The following TDRP variants were observed in gnomAD, a reference collection of about 807,000 sequenced individuals.
TDRP encodes testis development-related protein.
A neutral mutation model predicts 10.5 loss-of-function variants in TDRP; 12 were observed. The ratio of observed to expected loss-of-function variants is 1.15; its 90% CI spans 0.73 to 1.86. TDRP has a LOEUF of 1.86. TDRP is among the 40% of genes most tolerant of loss of function. The probability of loss-of-function intolerance (pLI) is 0.00; values close to 1 mark genes in which losing one functional copy is unlikely to be tolerated. For synonymous variants in TDRP, 139 were observed against 95.4 expected (o/e 1.46, Z -2.67); for missense variants, 353 against 229.2 (o/e 1.54, Z -3.49).
intron 1 of TDRP, among the ~76,000 whole-genome samples, chr8:528,887 T>A (rs1363968528): frequency 2.0e-5 from 3 of 152,024 alleles, no homozygotes; most frequent in Admixed American, 1.3e-4. Context: ...TAAGTAGTAT[T>A]AACTCACACA....
chr8:522,787 T>G (rs906138184), intron 1 of TDRP, among the ~76,000 whole-genome samples: 7 of 152,236 alleles, frequency 4.6e-5, no homozygotes, highest in Non-Finnish European at 8.8e-5. Flanking sequence ...AGTCCTTCTT[T>G]GTGTTTTGTG....
At chr8:515,728 G>A (rs548985923) in intron 1 of TDRP, among the ~76,000 whole-genome samples, 1 of 152,010 alleles carries the variant, frequency 6.6e-6, no homozygotes, top group African/African-American at 2.4e-5. Context: ...GCATAAGAGA[G>A]AAATAAAAGT....
intron 1 of TDRP, among the ~76,000 whole-genome samples, chr8:543,513 C>G (rs943965486): frequency 6.6e-6 from 1 of 150,906 alleles, no homozygotes; most frequent in South Asian, 2.1e-4. Flanking sequence ...TCATTACATT[C>G]AAGAAGAGAG....
At chr8:529,393 A>G (rs1802123638) in intron 1 of TDRP, among the ~76,000 whole-genome samples, 1 of 152,236 alleles carries the variant, frequency 6.6e-6, no homozygotes, top group Non-Finnish European at 1.5e-5. Flanking sequence ...ACCAGAATTT[A>G]AAGTTGTTTG....
intron 1 of TDRP, among the ~76,000 whole-genome samples, chr8:534,939 C>G (rs928432865): frequency 4.6e-5 from 7 of 152,150 alleles, no homozygotes; most frequent in African/African-American, 1.7e-4. Context: ...ATCCTCCAAA[C>G]CAAGACACGC....
chr8:513,517 G>C (rs1801673291), intron 1 of TDRP, among the ~76,000 whole-genome samples: 1 of 152,100 alleles, frequency 6.6e-6, no homozygotes, highest in Non-Finnish European at 1.5e-5. Flanking sequence ...CCTAGTAATG[G>C]GTGTCTATGA....
intron 1 of TDRP, among the ~76,000 whole-genome samples, chr8:500,563 C>T (rs147185384): frequency 7.9e-5 from 12 of 152,242 alleles, no homozygotes; most frequent in African/African-American, 2.4e-4. Flanking sequence ...TACTTAATCT[C>T]ACAATTTGTA....
Position 491,528 on chromosome 8 carries a change from G to T in TDRP, c.*871C>A, listed in dbSNP as rs1340631939. ...TAACACCAATCACAATAGGCATCTC[G>T]CTTTGCAAGAACAAACATATGAGCC... On this transcript the variant is annotated 3_prime_UTR_variant, in exon 3 of 3. Coordinates refer to ENST00000324079, the MANE Select transcript of TDRP (RefSeq NM_001384899.1). 1 of 1,334,510 alleles carries T rather than the reference G, an allele frequency of 7.5e-7. No individual in the cohort carries two copies. Among genetic ancestry groups the T allele is most frequent in the Non-Finnish European group, 1.0e-6 (1 of 996,998 alleles). 82.7% of individuals were successfully genotyped at this position (1,334,510 alleles called of 1,614,324 possible).
At chr8:518,917 A>T (rs1457145675) in intron 1 of TDRP, among the ~76,000 whole-genome samples, 1 of 152,172 alleles carries the variant, frequency 6.6e-6, no homozygotes, top group Admixed American at 6.5e-5. Context: ...GAGTTCCTGA[A>T]AGTATTGGAA....
At chr8:525,350 AAAG>A (rs1248887449) in intron 1 of TDRP, among the ~76,000 whole-genome samples, 11 of 152,342 alleles carry the variant, frequency 7.2e-5, no homozygotes, top group Admixed American at 6.5e-4. Flanking sequence ...TGTTAATTAG[AAAG>A]AAGAAATTAT....
intron 1 of TDRP, 67 bp from the exon 2 acceptor site, chr8:494,664 C>A: frequency 7.1e-7 from 1 of 1,401,754 alleles, no homozygotes; most frequent in Non-Finnish European, 1.0e-6. Flanking sequence ...CTTTCTACTC[C>A]AATAACCATG....
intron 1 of TDRP, among the ~76,000 whole-genome samples, chr8:540,633 G>A (rs924234790): frequency 7.2e-5 from 11 of 151,968 alleles, no homozygotes; most frequent in Non-Finnish European, 1.2e-4. Flanking sequence ...CAAAATAGAT[G>A]TGTATTTATG....
intron 2 of TDRP, among the ~76,000 whole-genome samples, chr8:494,175 C>T (rs935695889): frequency 1.3e-5 from 2 of 151,670 alleles, no homozygotes; most frequent in African/African-American, 4.8e-5. Context: ...GTTGGCCAGG[C>T]TGGTCTTGAA....
intron 1 of TDRP, among the ~76,000 whole-genome samples, chr8:538,272 G>A (rs893622883): frequency 6.6e-6 from 1 of 152,190 alleles, no homozygotes; most frequent in Non-Finnish European, 1.5e-5. Flanking sequence ...AAGGCCAGGG[G>A]ATGAGGAACT....
At chr8:540,161 G>T (rs1802455791) in intron 1 of TDRP, among the ~76,000 whole-genome samples, 1 of 152,146 alleles carries the variant, frequency 6.6e-6, no homozygotes, top group African/African-American at 2.4e-5. Flanking sequence ...AAACTTTGAG[G>T]GCAGAGGTTA....
At chr8:519,788 G>A (rs757535237) in intron 1 of TDRP, among the ~76,000 whole-genome samples, 8 of 152,178 alleles carry the variant, frequency 5.3e-5, no homozygotes, top group Non-Finnish European at 1.2e-4. Flanking sequence ...GCAGTGGGGC[G>A]AGGCATTGTC....
rs188529301 is a variant in TDRP, at chr8:519,139, G to T, written c.109-24542C>A. Among the ~76,000 whole-genome samples the T allele has an allele frequency of 4.5e-4, 68 of 152,254 alleles. 1 individual carries two copies. Among genetic ancestry groups the T allele is most frequent in the East Asian group, 2.1e-3 (11 of 5,174 alleles). On this transcript the variant is annotated intron_variant, in intron 1 of 2. Transcript: ENST00000324079. Reference sequence around the variant, plus strand: ...AAAGATTTAATCAGTCATGCCTAGGGAATGAAACCTCCATTTAAAAAGCTA... The same window carrying T: ...AAAGATTTAATCAGTCATGCCTAGGTAATGAAACCTCCATTTAAAAAGCTA...
chr8:497,209 G>C (rs1801160398), intron 1 of TDRP, among the ~76,000 whole-genome samples: 1 of 152,324 alleles, frequency 6.6e-6, no homozygotes, highest in African/African-American at 2.4e-5. Flanking sequence ...GGAATGTTTG[G>C]AACTTCCTAG....
At chr8:495,275 C>T (rs770909965) in intron 1 of TDRP, among the ~76,000 whole-genome samples, 1 of 152,164 alleles carries the variant, frequency 6.6e-6, no homozygotes, top group Non-Finnish European at 1.5e-5. Context: ...ACATAGGAGA[C>T]TGACCTTTGA....
Sources: gnomAD v4.1 joint callset for allele counts (sites outside exome capture counted in the v4.1 genomes callset) on GRCh38, gnomAD v4.1.1 for gene constraint, MANE v1.5 for transcripts, NCBI Gene and HGNC (gene_info 2026-07-23, HGNC 2026-07-21) for gene names.